The following ANGPT2 variants were observed in gnomAD, a reference collection of about 807,000 sequenced individuals.
The protein encoded by ANGPT2 is angiopoietin 2, also known as angiopoietin-2.
In ANGPT2, 28 loss-of-function variants were observed where a neutral mutation model predicts 62.9. The ratio of observed to expected loss-of-function variants is 0.44; its 90% CI spans 0.33 to 0.61. The LOEUF is 0.61. Ranked by LOEUF, ANGPT2 falls within the 20% of genes least tolerant of loss-of-function variation. ANGPT2 has a pLI of 0.03. For synonymous variants in ANGPT2, 284 were observed against 207.8 expected, an observed-to-expected ratio of 1.37 and a Z score of -3.15; for missense variants, 727 against 594.9, an observed-to-expected ratio of 1.22 and a Z score of -2.31.
At chr8:6,503,541 T>A (rs1171074174) in intron 8 of ANGPT2, among the ~76,000 whole-genome samples, 1 of 152,192 alleles carries the variant, frequency 6.6e-6, no homozygotes, top group African/African-American at 2.4e-5. Flanking sequence ...TCCTATTTGG[T>A]AAGCCCACAG....
At position 6,503,115 on chromosome 8, in the gene ANGPT2, G is replaced by T; in HGVS notation, c.1474C>A (p.Pro492Thr). 6.2e-7 allele frequency: 1 copy of T among 1,614,186 alleles called. No individual in the cohort carries two copies. The highest frequency in any genetic ancestry group is 8.5e-7 in the Non-Finnish European group (1 of 1,180,042). Reference sequence around the variant, plus strand: ...GACTGGGATGTTTAGAAATCTGCTGGTCGGATCATCATGGTTGTGGCCTTG... The same window carrying T: ...GACTGGGATGTTTAGAAATCTGCTGTTCGGATCATCATGGTTGTGGCCTTG... ...SLKATTMMIR[P>T]ADF is the part of the protein sequence containing the mutation. The change falls in exon 9 of 9, where the codon CCA becomes ACA. Residue 492 changes from proline (P) to threonine (T), a missense_variant. By Grantham distance (38) the Pro-to-Thr change is conservative. Coordinates refer to ENST00000629816, the MANE Select transcript of ANGPT2 (RefSeq NM_001118887.2).
At chr8:6,516,469 C>A (rs538841801) in intron 5 of ANGPT2, among the ~76,000 whole-genome samples, 1 of 152,112 alleles carries the variant, frequency 6.6e-6, no homozygotes, top group East Asian at 1.9e-4. Context: ...ATCATGCTGC[C>A]AAAAACAGAG....
In ANGPT2 at chr8:6,527,535, T is replaced by A. The variant is rs149248000; in HGVS notation, c.566+20A>T. 5,226 of 1,609,882 alleles carry A rather than the reference T, an allele frequency of 3.2e-3. 7 individuals are homozygous for A. The highest frequency in any genetic ancestry group is 3.8e-3 in the Non-Finnish European group (4,488 of 1,178,274). On this transcript the variant is annotated intron_variant, in intron 3 of 8. Transcript: ENST00000629816. ...AAAGTGTGCAGTCCTGAATTATAAATGTTTTAGTACTGTTATTACCTGTTC... is the reference window on the plus strand; with the variant it reads ...AAAGTGTGCAGTCCTGAATTATAAAAGTTTTAGTACTGTTATTACCTGTTC...
chr8:6,532,850 G>A (rs1053723742), intron 1 of ANGPT2, among the ~76,000 whole-genome samples: 2 of 152,194 alleles, frequency 1.3e-5, no homozygotes, highest in Non-Finnish European at 2.9e-5. Context: ...CTACCCAGCT[G>A]CAACTCTGAC....
chr8:6,521,334 G>C lies in ANGPT2; in HGVS notation c.643C>G (p.Gln215Glu). ...TGCTTGGATACTAACACCTGTAGCT[G>C]ATCTTTCTCTTCTTTTATTGACTGT... ...QLQSIKEEKD[Q>E]LQVLVSKQNS... is the part of the protein sequence containing the mutation. The change falls in exon 4 of 9, where the codon CAG becomes GAG. Residue 215 changes from glutamine (Q) to glutamate (E), a missense_variant. Physicochemically the swap from Gln to Glu is conservative, Grantham distance 29. Coordinates refer to ENST00000629816, the MANE Select transcript of ANGPT2 (RefSeq NM_001118887.2). 3 of 1,613,668 alleles carry C rather than the reference G, an allele frequency of 1.9e-6. No individual in the cohort carries two copies. Among genetic ancestry groups the C allele is most frequent in the Non-Finnish European group, 1.7e-6 (2 of 1,179,914 alleles).
chr8:6,508,733 C>G (rs972088375), intron 8 of ANGPT2, 199 bp downstream of exon 8: 3 of 730,602 alleles, frequency 4.1e-6, no homozygotes, highest in Non-Finnish European at 6.7e-6. Flanking sequence ...GCTGACAAGT[C>G]TAGCTCCATA....
At chr8:6,539,375 G>A (rs1821103335) in intron 1 of ANGPT2, among the ~76,000 whole-genome samples, 1 of 152,158 alleles carries the variant, frequency 6.6e-6, no homozygotes, top group Non-Finnish European at 1.5e-5. Flanking sequence ...TCAGTGTAAG[G>A]CCCTAGAAGT....
At chr8:6,553,884 G>A (rs952813098) in intron 1 of ANGPT2, among the ~76,000 whole-genome samples, 1 of 152,018 alleles carries the variant, frequency 6.6e-6, no homozygotes, top group African/African-American at 2.4e-5. Flanking sequence ...ACTTCATGGC[G>A]TATTTTCGCC....
chr8:6,499,686 A>T lies in ANGPT2; in HGVS notation c.*3415T>A. ...TCAACTTTTTATTAATATTCATAAC[A>T]TTTATGCAACATGAAGATTCTGAAG... is the stretch of plus-strand genomic sequence containing the variant. On this transcript the variant is annotated 3_prime_UTR_variant, in exon 9 of 9. Transcript: ENST00000629816. The T allele has an allele frequency of 1.6e-6, 1 of 627,352 alleles. No individual in the cohort carries two copies. Among genetic ancestry groups the T allele is most frequent in the Non-Finnish European group, 2.9e-6 (1 of 350,660 alleles). 38.9% of individuals were successfully genotyped at this position (627,352 alleles called of 1,614,324 possible).
intron 3 of ANGPT2, among the ~76,000 whole-genome samples, chr8:6,524,763 T>A (rs142486002): frequency 8.3e-4 from 126 of 152,336 alleles, no homozygotes; most frequent in African/African-American, 2.7e-3. Context: ...ACTACCCTTG[T>A]GGCCATGTAA....
At chr8:6,518,685 C>G (rs1040044696) in intron 5 of ANGPT2, among the ~76,000 whole-genome samples, 2 of 152,098 alleles carry the variant, frequency 1.3e-5, no homozygotes, top group Non-Finnish European at 2.9e-5. Context: ...TTCCAAGAGC[C>G]TCGAAAATTT....
At chr8:6,512,257 G>A (rs1815299183) in intron 7 of ANGPT2, among the ~76,000 whole-genome samples, 1 of 152,154 alleles carries the variant, frequency 6.6e-6, no homozygotes, top group Non-Finnish European at 1.5e-5. Context: ...TCAGTTGGTT[G>A]TTCAGGCAAC....
At chr8:6,541,075 C>G (rs913259927) in intron 1 of ANGPT2, among the ~76,000 whole-genome samples, 2 of 152,334 alleles carry the variant, frequency 1.3e-5, no homozygotes, top group South Asian at 4.1e-4. Flanking sequence ...TTGGAGCCAA[C>G]GTCCCTAGGC....
chr8:6,534,820 G>A (rs908902845), intron 1 of ANGPT2, among the ~76,000 whole-genome samples: 1 of 151,926 alleles, frequency 6.6e-6, no homozygotes, highest in Non-Finnish European at 1.5e-5. Context: ...TTCCTCCCCT[G>A]CCTTTATAAA....
intron 1 of ANGPT2, among the ~76,000 whole-genome samples, chr8:6,559,860 G>T (rs1825247167): frequency 6.6e-6 from 1 of 152,226 alleles, no homozygotes; most frequent in African/African-American, 2.4e-5. Flanking sequence ...TAGCGATCAT[G>T]AGTTTATCTG....
chr8:6,534,508 A>C (rs1233529483), intron 1 of ANGPT2, among the ~76,000 whole-genome samples: 1 of 152,132 alleles, frequency 6.6e-6, no homozygotes, highest in Non-Finnish European at 1.5e-5. Flanking sequence ...TACTCAAGCC[A>C]TCCACCCGCC....
In ANGPT2 at chr8:6,514,662, A is replaced by G. The variant is rs202095451; in HGVS notation, c.1029+15T>C. ...AAGGGAAATTCTTTTCTGATGCCTT[A>G]AAGAATGTCCTTACCACTTTATATT... On this transcript the variant is annotated intron_variant, in intron 6 of 8. Transcript: ENST00000629816. 5 of 1,610,574 alleles carry G rather than the reference A, an allele frequency of 3.1e-6. No individual in the cohort carries two copies. The highest frequency in any genetic ancestry group is 1.7e-5 in the Admixed American group (1 of 59,992).
At position 6,536,700 on chromosome 8, in the gene ANGPT2, A is replaced by G. The variant is rs1359561440; in HGVS notation, c.289-4213T>C. Among the ~76,000 whole-genome samples the G allele has an allele frequency of 2.0e-5, 3 of 152,236 alleles. No individual in the cohort carries two copies. The East Asian group carries it at 5.8e-4, about 29-fold the overall frequency. The stretch of plus-strand genomic sequence containing the variant: ...ATTTCCAAATAAAGATGTCCCATTT[A>G]ATGTAGCCTTTCCATAAATCACCAC... On this transcript the variant is annotated intron_variant, in intron 1 of 8. Coordinates refer to ENST00000629816, the MANE Select transcript of ANGPT2 (RefSeq NM_001118887.2).
At chr8:6,507,951 A>G (rs945453391) in intron 8 of ANGPT2, 2 of 152,034 alleles carry the variant, frequency 1.3e-5, no homozygotes, top group Non-Finnish European at 2.9e-5. Flanking sequence ...ATACCAACCC[A>G]TCTGTTTTAA....
Sources: gnomAD v4.1 joint callset for allele counts (sites outside exome capture counted in the v4.1 genomes callset) on GRCh38, gnomAD v4.1.1 for gene constraint, MANE v1.5 for transcripts, NCBI Gene and HGNC (gene_info 2026-07-23, HGNC 2026-07-21) for gene names.